Variants in HSF1 observed in about 807,000 individuals in gnomAD.
HSF1 encodes heat shock factor protein 1.
In HSF1, 32 loss-of-function variants were observed where a neutral mutation model predicts 51.7. The ratio of observed to expected loss-of-function variants is 0.62; its 90% CI spans 0.47 to 0.83. HSF1 has a LOEUF of 0.83. HSF1 is among the 40% of genes least tolerant of loss of function. The pLI is 0.00. For synonymous variants in HSF1, 396 were observed against 309.7 expected, an observed-to-expected ratio of 1.28 and a Z score of -2.92; for missense variants, 727 against 717.0, an observed-to-expected ratio of 1.01 and a Z score of -0.16.
intron 9 of HSF1, 54 bp downstream of exon 9, chr8:144,312,298 G>GGAC: frequency 7.7e-7 from 1 of 1,299,486 alleles, no homozygotes; most frequent in Non-Finnish European, 1.1e-6. Flanking sequence ...CACAGCCCTG[G>GGAC]GCTTCAGCCC....
chr8:144,292,050 C>T (rs1484089626), intron 1 of HSF1, among the ~76,000 whole-genome samples, 176 bp downstream of exon 1: 1 of 152,080 alleles, frequency 6.6e-6, no homozygotes. Flanking sequence ...AGACCCAGAG[C>T]CTTAAGTTGG....
chr8:144,297,897 A>G lies in HSF1; in HGVS notation c.117+6023A>G, dbSNP rs1410755170. On this transcript the variant is annotated intron_variant, in intron 1 of 12. Transcript: ENST00000528838. The surrounding 1 kb of genome is among the most constrained non-coding windows in gnomAD (Gnocchi z 4.6). ...ATACTCAGAGACACAGACACTTTCTATGTAAGGTGTCCCTACAGGCAGGAT... is the reference window on the plus strand; with the variant it reads ...ATACTCAGAGACACAGACACTTTCTGTGTAAGGTGTCCCTACAGGCAGGAT... 6.6e-6 allele frequency among the ~76,000 whole-genome samples: 1 copy of G among 152,196 alleles called. No homozygotes were observed. Among genetic ancestry groups the G allele is most frequent in the African/African-American group, 2.4e-5 (1 of 41,442 alleles).
At chr8:144,301,737 T>C (rs985104173) in intron 1 of HSF1, among the ~76,000 whole-genome samples, 25 of 152,018 alleles carry the variant, frequency 1.6e-4, no homozygotes, top group East Asian at 5.8e-4. Context: ...TGGTGGCGGG[T>C]GCCTGTAGTC....
intron 1 of HSF1, among the ~76,000 whole-genome samples, chr8:144,298,028 T>C (rs1554841599): frequency 6.6e-6 from 1 of 152,182 alleles, no homozygotes; most frequent in Non-Finnish European, 1.5e-5. Context: ...TCTCAGCGTG[T>C]GGCATCTCGC....
At chr8:144,302,633 G>C (rs1815967513) in intron 1 of HSF1, among the ~76,000 whole-genome samples, 1 of 151,872 alleles carries the variant, frequency 6.6e-6, no homozygotes, top group African/African-American at 2.4e-5. Context: ...TTCGAGACCA[G>C]CCTGGGCAAC....
At chr8:144,307,616 G>A (rs1399307943) in intron 1 of HSF1, among the ~76,000 whole-genome samples, 6 of 150,330 alleles carry the variant, frequency 4.0e-5, no homozygotes, top group Admixed American at 1.4e-4. Flanking sequence ...GGCGCCTATA[G>A]TCAGCTACTC....
rs528940195 is a variant in HSF1 at position 144,292,995 on chromosome 8, A to G, written c.117+1121A>G. 5.9e-5 allele frequency among the ~76,000 whole-genome samples: 9 copies of G among 152,286 alleles called. No individual in the cohort carries two copies. In the East Asian group the frequency reaches 1.5e-3, roughly 26 times the overall value. ...AAAAGAAAGGCCACTGATCATTGGG[A>G]GCTTTTGGAGGCACCGTGACCGGCA... On this transcript the variant is annotated intron_variant, in intron 1 of 12. Transcript: ENST00000528838.
At chr8:144,300,212 C>CTTTTTTTTT (rs1176636210) in intron 1 of HSF1, among the ~76,000 whole-genome samples, 4 of 87,744 alleles carry the variant, frequency 4.6e-5, no homozygotes, top group African/African-American at 1.4e-4. Flanking sequence ...GTTGTGTACT[C>CTTTTTTTTT]TTTTTTTTTT....
chr8:144,306,126 C>T (rs1442853785), intron 1 of HSF1, among the ~76,000 whole-genome samples: 6 of 152,144 alleles, frequency 3.9e-5, no homozygotes, highest in African/African-American at 1.4e-4. Context: ...TATTGATACT[C>T]TCTGATAAGA....
chr8:144,291,692 G>T lies in HSF1; in HGVS notation c.-66G>T, dbSNP rs532490971. ...CGGCCCGGAAGGCTGGCGCGGCGAC[G>T]GCGTTAGCCCGGCCCTCGGCCCCTC... On this transcript the variant is annotated 5_prime_UTR_variant, in exon 1 of 13. Transcript: ENST00000528838. The surrounding 1 kb of genome is among the most constrained non-coding windows in gnomAD (Gnocchi z 4.1). 5.2e-5 allele frequency: 49 copies of T among 935,620 alleles called. No individual in the cohort carries two copies. In the African/African-American group the frequency reaches 8.8e-4, roughly 17 times the overall value. The allele number at this position is 935,620 out of a possible 1,614,324, so 58.0% of individuals were successfully genotyped here.
Position 144,314,308 on chromosome 8 carries a change from C to T in HSF1, c.1568C>T (p.Ala523Val). Reference sequence around the variant, plus strand: ...CTGACAGGCTCGGAGCCTCCCAAAGCCAAGGACCCCACTGTCTCCTAGAGG... The same window carrying T: ...CTGACAGGCTCGGAGCCTCCCAAAGTCAAGGACCCCACTGTCTCCTAGAGG... ...SLLTGSEPPK[A>V]KDPTVS Residue 523 changes from alanine (A) to valine (V), a missense_variant, in exon 13 of 13, where the codon GCC becomes GTC. By Grantham distance (64) the Ala-to-Val change is moderately conservative (BLOSUM62 0). Around this residue, in one of 2 missense-constraint regions of HSF1, gnomAD observed 470 missense variants for 398.8 expected, o/e 1.18. Transcript: ENST00000528838. The T allele has an allele frequency of 6.4e-7, 1 of 1,550,410 alleles. No homozygotes were observed. Among genetic ancestry groups the T allele is most frequent in the Non-Finnish European group, 8.7e-7 (1 of 1,146,984 alleles).
intron 1 of HSF1, among the ~76,000 whole-genome samples, chr8:144,300,163 G>C (rs1169369962): frequency 2.0e-5 from 3 of 151,852 alleles, no homozygotes; most frequent in African/African-American, 7.3e-5. Flanking sequence ...AGCCTCACCA[G>C]GGACCATGCT....
chr8:144,305,242 C>T (rs188541076), intron 1 of HSF1, among the ~76,000 whole-genome samples: 17 of 152,112 alleles, frequency 1.1e-4, no homozygotes, highest in Admixed American at 2.0e-4. Flanking sequence ...CCACCATGCC[C>T]GGCTGTGTTA....
At chr8:144,308,062 CT>C (rs1816338583) in intron 1 of HSF1, among the ~76,000 whole-genome samples, 1 of 152,222 alleles carries the variant, frequency 6.6e-6, no homozygotes, top group Non-Finnish European at 1.5e-5. Context: ...GTCTTTCTGG[CT>C]TTTTCCCTGT....
intron 12 of HSF1, 24 bp downstream of exon 12, chr8:144,314,078 A>G (rs1303492086): frequency 2.0e-6 from 2 of 993,304 alleles, no homozygotes. Context: ...CACCGGCCCC[A>G]CCTCTGCCCC....
intron 9 of HSF1, chr8:144,312,635 C>T (rs1381907515): frequency 7.8e-6 from 12 of 1,535,200 alleles, no homozygotes; most frequent in Middle Eastern, 1.7e-4. Context: ...CAGTTTGGCT[C>T]GCACTCCACA....
At chr8:144,299,417 A>G (rs1044423037) in intron 1 of HSF1, among the ~76,000 whole-genome samples, 1 of 149,410 alleles carries the variant, frequency 6.7e-6, no homozygotes, top group Admixed American at 6.7e-5. Context: ...AGCCTGGGCA[A>G]CAGAGCAAGA....
At chr8:144,308,600 G>T (rs1469579427) in intron 1 of HSF1, among the ~76,000 whole-genome samples, 2 of 152,170 alleles carry the variant, frequency 1.3e-5, no homozygotes, top group Non-Finnish European at 2.9e-5. Context: ...GAGTGGAAAC[G>T]TGGCCTTCTC....
In HSF1 at chr8:144,313,867, G is replaced by GTGCCC; in HGVS notation, c.1271_1275dup (p.Asp426CysfsTer4). 6.3e-7 allele frequency: 1 copy of GTGCCC among 1,597,288 alleles called. No homozygotes were observed. Among genetic ancestry groups the GTGCCC allele is most frequent in the Non-Finnish European group, 8.5e-7 (1 of 1,175,646 alleles). ...GCAGCTGTTCAGCCCCTCGGTGACC[G>GTGCCC]TGCCCGACATGAGCCTGCCTGACCT... On this transcript the variant is annotated frameshift_variant, in exon 11 of 13. Transcript: ENST00000528838. LOFTEE classifies it high-confidence loss of function.
Sources: gnomAD v4.1 joint callset for allele counts (sites outside exome capture counted in the v4.1 genomes callset) on GRCh38, gnomAD v4.1.1 for gene constraint, gnomAD v4.1.1 regional missense constraint, Gnocchi (gnomAD v3.1) non-coding constraint, MANE v1.5 for transcripts, NCBI Gene and HGNC (gene_info 2026-07-23, HGNC 2026-07-21) for gene names.